The following SLAIN1 variants were observed in gnomAD, a reference collection of about 807,000 sequenced individuals.
SLAIN1 encodes SLAIN family member 1.
SLAIN1 carries 17 observed loss-of-function variants against 55.4 expected under a neutral mutation model. The observed-to-expected ratio is 0.31, with a 90% CI of 0.21 to 0.46. The LOEUF (loss-of-function observed/expected upper bound fraction) is 0.46, where lower values mean the gene tolerates loss of function less well. Ranked by LOEUF, SLAIN1 falls within the 20% of genes least tolerant of loss-of-function variation. SLAIN1 has a pLI of 1.00. For missense variants in SLAIN1, 682 were observed against 785.1 expected (o/e 0.87, Z 1.57); for synonymous variants, 348 against 337.4 (o/e 1.03, Z -0.35).
chr13:77,753,256 A>G lies in SLAIN1; in HGVS notation c.1312A>G (p.Ile438Val). 1 of 1,613,274 alleles carries G rather than the reference A, an allele frequency of 6.2e-7. No individual in the cohort carries two copies. Among genetic ancestry groups the G allele is most frequent in the Non-Finnish European group, 8.5e-7 (1 of 1,179,572 alleles). Residue 438 changes from isoleucine (I) to valine (V), a missense_variant, in exon 5 of 7, where the codon ATT becomes GTT. Ile to Val is a conservative substitution (Grantham distance 29). Transcript: ENST00000418532. ...NLARMPSTTA[I>V]SSNISSPVTV... The stretch of plus-strand genomic sequence containing the variant: ...AGCCCGGATGCCAAGTACAACTGCC[A>G]TTAGTAGCAACATTAGTTCTCCGGT...
chr13:77,706,040 T>C (rs1409098962), intron 1 of SLAIN1, among the ~76,000 whole-genome samples: 2 of 152,110 alleles, frequency 1.3e-5, no homozygotes, highest in Admixed American at 1.3e-4. Flanking sequence ...AAACTCCCCT[T>C]GTTAGGCTTA....
chr13:77,720,758 A>C (rs1471910657), intron 2 of SLAIN1, among the ~76,000 whole-genome samples: 1 of 152,200 alleles, frequency 6.6e-6, no homozygotes, highest in African/African-American at 2.4e-5. Context: ...GAGTCTCCAT[A>C]CTTAATTAGT....
Position 77,719,678 on chromosome 13 carries a change from G to A in SLAIN1, c.766+7G>A. The A allele has an allele frequency of 6.2e-7, 1 of 1,612,554 alleles. No homozygotes were observed. The highest frequency in any genetic ancestry group is 8.5e-7 in the Non-Finnish European group (1 of 1,179,134). ...TGCTTTAGACTGGAGCAAGGTAATT[G>A]TGAGTGTGTGCATTTACATTCTCCA... On this transcript the variant is annotated splice_region_variant and intron_variant, in intron 2 of 6. Transcript: ENST00000418532.
intron 1 of SLAIN1, among the ~76,000 whole-genome samples, chr13:77,709,689 C>G (rs989856043): frequency 6.6e-6 from 1 of 152,298 alleles, no homozygotes; most frequent in Middle Eastern, 3.4e-3. Flanking sequence ...AAATCCTTTA[C>G]AGACAAGCTA....
chr13:77,710,035 G>A lies in SLAIN1; in HGVS notation c.627-9497G>A, dbSNP rs367566982. Among the ~76,000 whole-genome samples, 8 of 152,170 alleles carry A rather than the reference G, an allele frequency of 5.3e-5. No homozygotes were observed. The South Asian group carries it at 1.7e-3, about 32-fold the overall frequency. On this transcript the variant is annotated intron_variant, in intron 1 of 6. Transcript: ENST00000418532. ...GATCTGCCAGGCTCAGCCTCCCAAA[G>A]TGCTGGGATTACAGGTGTGAGCCAC...
chr13:77,715,448 A>G (rs2091197117), intron 1 of SLAIN1, among the ~76,000 whole-genome samples: 2 of 152,192 alleles, frequency 1.3e-5, no homozygotes, highest in South Asian at 4.1e-4. Context: ...TCTTGGGTAA[A>G]TACTTCTGAC....
At chr13:77,744,783 C>T (rs1206003097) in intron 3 of SLAIN1, among the ~76,000 whole-genome samples, 2 of 152,060 alleles carry the variant, frequency 1.3e-5, no homozygotes, top group East Asian at 3.9e-4. Context: ...CAAAAACTTG[C>T]ACGTGAATGT....
chr13:77,724,320 G>A (rs1144372), intron 2 of SLAIN1, among the ~76,000 whole-genome samples: 19,862 of 151,954 alleles, frequency 0.13, 2,336 homozygotes, highest in African/African-American at 0.32. Flanking sequence ...GTGGTACTTC[G>A]CACCTACGAT....
intron 5 of SLAIN1, 101 bp downstream of exon 5, chr13:77,753,459 C>T (rs1002502274): frequency 9.1e-6 from 6 of 659,058 alleles, no homozygotes; most frequent in Non-Finnish European, 1.0e-5. Context: ...TTTGTATTTA[C>T]TTGAAAGAAC....
chr13:77,733,851 T>TA (rs1218988275), intron 2 of SLAIN1, among the ~76,000 whole-genome samples: 2 of 152,108 alleles, frequency 1.3e-5, no homozygotes, highest in Non-Finnish European at 2.9e-5. Context: ...GTTTACCCAA[T>TA]AAAAAATATT....
At chr13:77,762,922 T>G (rs1284836760) in intron 6 of SLAIN1, among the ~76,000 whole-genome samples, 1 of 152,224 alleles carries the variant, frequency 6.6e-6, no homozygotes, top group African/African-American at 2.4e-5. Flanking sequence ...AATTTTCTTG[T>G]GCAAATACAA....
rs2090986961 is a variant in SLAIN1 at position 77,697,729 on chromosome 13, T to G, written c.-185T>G. 2.9e-6 allele frequency: 1 copy of G among 349,760 alleles called. No homozygotes were observed. 21.7% of individuals were successfully genotyped at this position (349,760 alleles called of 1,614,324 possible). ...ACTGAGCATGTGCAGATCAGCTCGG[T>G]GGTGGCTGCCGCGGCCGGAGGCGAG... On this transcript the variant is annotated 5_prime_UTR_variant, in exon 1 of 7. Transcript: ENST00000418532.
At chr13:77,715,830 T>A (rs180954931) in intron 1 of SLAIN1, among the ~76,000 whole-genome samples, 11 of 152,326 alleles carry the variant, frequency 7.2e-5, no homozygotes, top group Non-Finnish European at 1.5e-5. Flanking sequence ...TTGGTAGATA[T>A]ATGATTTGCA....
In SLAIN1 at chr13:77,761,012, A is replaced by G. The variant is rs149686748; in HGVS notation, c.1599A>G (p.Ala533=). 3.2e-4 allele frequency: 510 copies of G among 1,614,210 alleles called. No individual in the cohort carries two copies. Among genetic ancestry groups the G allele is most frequent in the Middle Eastern group, 4.9e-4 (3 of 6,062 alleles). ...NTGIPTPNKA[A]ASGIMGRSAL... ...GAATCCCCACACCGAACAAAGCTGCAGCTTCTGGGATAATGGGTCGCAGTG... is the reference window on the plus strand; with the variant it reads ...GAATCCCCACACCGAACAAAGCTGCGGCTTCTGGGATAATGGGTCGCAGTG... The change falls in exon 6 of 7, where the codon GCA becomes GCG. Residue 533 remains alanine, a synonymous_variant. Transcript: ENST00000418532.
intron 2 of SLAIN1, among the ~76,000 whole-genome samples, chr13:77,737,360 G>A (rs1479171804): frequency 6.6e-6 from 1 of 151,940 alleles, no homozygotes; most frequent in Non-Finnish European, 1.5e-5. Flanking sequence ...CAGTCTCCAT[G>A]CCCATTTAGT....
Position 77,758,097 on chromosome 13 carries a change from G to A in SLAIN1, c.1415-2731G>A, listed in dbSNP as rs1362263503. On this transcript the variant is annotated intron_variant, in intron 5 of 6. Coordinates refer to ENST00000418532, the MANE Select transcript of SLAIN1 (RefSeq NM_001242868.2). ...TTGCCACATCCACACCGAATCTATT[G>A]TTTTTGACTTTTTAATTATGGCCAT... Among the ~76,000 whole-genome samples, 3 of 151,836 alleles carry A rather than the reference G, an allele frequency of 2.0e-5. No individual in the cohort carries two copies. The South Asian group carries it at 6.2e-4, about 31-fold the overall frequency.
chr13:77,743,238 T>G (rs1873575896), intron 2 of SLAIN1: 2 of 1,157,552 alleles, frequency 1.7e-6, no homozygotes, highest in South Asian at 2.8e-5. Context: ...ATATTCATCT[T>G]TCATTTGAAA....
intron 5 of SLAIN1, among the ~76,000 whole-genome samples, chr13:77,755,311 AG>A (rs1403076811): frequency 1.3e-5 from 2 of 151,754 alleles, no homozygotes; most frequent in East Asian, 1.9e-4. Flanking sequence ...AGATAGAATG[AG>A]ACCCTGTCTT....
At chr13:77,753,379 T>A in intron 5 of SLAIN1, 21 bp downstream of exon 5, 3 of 1,236,860 alleles carry the variant, frequency 2.4e-6, no homozygotes, top group Non-Finnish European at 3.2e-6. Context: ...TTATTTGATA[T>A]AATTATATAT....
Sources: gnomAD v4.1 joint callset for allele counts (sites outside exome capture counted in the v4.1 genomes callset) on GRCh38, gnomAD v4.1.1 for gene constraint, MANE v1.5 for transcripts, NCBI Gene and HGNC (gene_info 2026-07-23, HGNC 2026-07-21) for gene names.